Variants in ARHGAP24 observed in about 807,000 individuals in gnomAD.
ARHGAP24 encodes Rho GTPase activating protein 24, also known as rho GTPase-activating protein 24.
A neutral mutation model predicts 76.4 loss-of-function variants in ARHGAP24; 50 were observed. The ratio of observed to expected loss-of-function variants is 0.65; its 90% CI spans 0.52 to 0.83. The LOEUF (loss-of-function observed/expected upper bound fraction) is 0.83. Ranked by LOEUF, ARHGAP24 falls within the 40% of genes least tolerant of loss-of-function variation. The probability of loss-of-function intolerance (pLI) is 0.00; values close to 1 mark genes in which losing one functional copy is unlikely to be tolerated. For synonymous variants in ARHGAP24, 345 were observed against 323.3 expected (o/e 1.07, Z -0.72); for missense variants, 930 against 914.2 (o/e 1.02, Z -0.22).
chr4:85,876,483 A>G (rs1232199397), intron 3 of ARHGAP24, among the ~76,000 whole-genome samples: 1 of 152,102 alleles, frequency 6.6e-6, no homozygotes, highest in Non-Finnish European at 1.5e-5. Flanking sequence ...CTCAAATACA[A>G]CTGTAAGATC....
intron 2 of ARHGAP24, among the ~76,000 whole-genome samples, chr4:85,618,308 A>G (rs1160526942): frequency 1.3e-5 from 2 of 152,128 alleles, no homozygotes; most frequent in African/African-American, 4.8e-5. Flanking sequence ...GGCAATTTAC[A>G]TTAGTTCTCT....
At chr4:85,968,945 A>G (rs1314797086) in intron 5 of ARHGAP24, among the ~76,000 whole-genome samples, 2 of 152,154 alleles carry the variant, frequency 1.3e-5, no homozygotes, top group Admixed American at 6.6e-5. Context: ...AGCTGTGTGC[A>G]TATATACTAT....
chr4:85,512,612 G>A lies in ARHGAP24; in HGVS notation c.-21+37053G>A, dbSNP rs180982243. On this transcript the variant is annotated intron_variant, in intron 1 of 9. Transcript: ENST00000395184. ...TTTGGGATTGTTTGGAAATTTAGGGGCTCCCTAGAATAACTCAGAGCTGTG... is the reference window on the plus strand; with the variant it reads ...TTTGGGATTGTTTGGAAATTTAGGGACTCCCTAGAATAACTCAGAGCTGTG... 1.4e-4 allele frequency among the ~76,000 whole-genome samples: 22 copies of A among 152,230 alleles called. No individual in the cohort carries two copies. In the East Asian group the frequency reaches 4.3e-3, roughly 29 times the overall value.
intron 3 of ARHGAP24, among the ~76,000 whole-genome samples, chr4:85,898,925 G>A (rs1322818082): frequency 6.6e-6 from 1 of 152,022 alleles, no homozygotes; most frequent in African/African-American, 2.4e-5. Flanking sequence ...TGTATGTTTA[G>A]TAGAGATGGA....
chr4:85,542,886 T>C (rs1725758350), intron 1 of ARHGAP24, among the ~76,000 whole-genome samples: 2 of 152,172 alleles, frequency 1.3e-5, no homozygotes, highest in Non-Finnish European at 2.9e-5. Context: ...ATCTGTGAAA[T>C]AGGGATGATA....
intron 3 of ARHGAP24, among the ~76,000 whole-genome samples, chr4:85,829,762 C>T (rs115969396): frequency 5.6e-4 from 85 of 152,258 alleles, no homozygotes; most frequent in African/African-American, 2.0e-3. Context: ...AGTATTCATC[C>T]CTCTGTGAGG....
At chr4:85,890,991 T>A (rs1052231268) in intron 3 of ARHGAP24, among the ~76,000 whole-genome samples, 44 of 152,106 alleles carry the variant, frequency 2.9e-4, no homozygotes, top group Non-Finnish European at 5.6e-4. Flanking sequence ...GAGATTGCGA[T>A]GGATGATATT....
intron 3 of ARHGAP24, among the ~76,000 whole-genome samples, chr4:85,822,319 C>T (rs988255411): frequency 6.6e-6 from 1 of 151,882 alleles, no homozygotes; most frequent in Admixed American, 6.6e-5. Context: ...AAGCCAAGTC[C>T]AAATATTCTG....
chr4:85,531,057 C>T (rs191695615), intron 1 of ARHGAP24, among the ~76,000 whole-genome samples: 1 of 151,906 alleles, frequency 6.6e-6, no homozygotes, highest in African/African-American at 2.4e-5. Flanking sequence ...TGCATGAAAT[C>T]GTTTTTTCCT....
intron 2 of ARHGAP24, among the ~76,000 whole-genome samples, chr4:85,687,778 C>A (rs1359308388): frequency 6.6e-6 from 1 of 151,622 alleles, no homozygotes; most frequent in East Asian, 1.9e-4. Flanking sequence ...GGGTATATGC[C>A]CAGTAATGGA....
At chr4:85,698,034 A>G (rs1209478699) in intron 2 of ARHGAP24, among the ~76,000 whole-genome samples, 1 of 152,182 alleles carries the variant, frequency 6.6e-6, no homozygotes, top group Admixed American at 6.5e-5. Flanking sequence ...AGAAGTGTGT[A>G]TTTGAGGGGA....
chr4:85,592,257 A>G (rs367690609), intron 2 of ARHGAP24, among the ~76,000 whole-genome samples: 21 of 152,324 alleles, frequency 1.4e-4, no homozygotes, highest in South Asian at 2.1e-4. Flanking sequence ...CTGATGATCA[A>G]TGATGTTGAG....
chr4:85,622,755 C>T (rs1326731831), intron 2 of ARHGAP24, among the ~76,000 whole-genome samples: 5 of 152,146 alleles, frequency 3.3e-5, no homozygotes, highest in African/African-American at 1.2e-4. Flanking sequence ...CTCTCCAGCA[C>T]CTATTGTTTC....
At chr4:85,866,336 A>C (rs528008347) in intron 3 of ARHGAP24, among the ~76,000 whole-genome samples, 2 of 152,148 alleles carry the variant, frequency 1.3e-5, no homozygotes, top group African/African-American at 4.8e-5. Flanking sequence ...GTGTCTGGAG[A>C]CTTCTGACTT....
At chr4:85,765,479 G>A (rs898442429) in intron 3 of ARHGAP24, among the ~76,000 whole-genome samples, 2 of 152,002 alleles carry the variant, frequency 1.3e-5, no homozygotes, top group African/African-American at 4.8e-5. Context: ...TTTTGGGGGT[G>A]ATATGGAAAA....
intron 2 of ARHGAP24, among the ~76,000 whole-genome samples, chr4:85,631,729 A>G (rs928544624): frequency 6.6e-6 from 1 of 152,036 alleles, no homozygotes; most frequent in Non-Finnish European, 1.5e-5. Context: ...TGCTTGTTCA[A>G]ACAAATGTAT....
intron 2 of ARHGAP24, among the ~76,000 whole-genome samples, chr4:85,646,779 G>A (rs763934824): frequency 2.0e-5 from 3 of 152,046 alleles, no homozygotes; most frequent in Non-Finnish European, 4.4e-5. Context: ...CTGTTCAGAG[G>A]CTAGTTGGGA....
At chr4:85,603,775 T>C (rs1354093336) in intron 2 of ARHGAP24, among the ~76,000 whole-genome samples, 1 of 152,248 alleles carries the variant, frequency 6.6e-6, no homozygotes, top group Non-Finnish European at 1.5e-5. Flanking sequence ...GAGATTGCAC[T>C]AATGGTTCAT....
At chr4:85,776,365 AACT>A (rs764166882) in intron 3 of ARHGAP24, among the ~76,000 whole-genome samples, 7 of 152,174 alleles carry the variant, frequency 4.6e-5, no homozygotes, top group Non-Finnish European at 7.4e-5. Context: ...TTCCCCACTA[AACT>A]ACACTAGTAT....
Sources: allele counts gnomAD v4.1 joint callset (sites outside exome capture counted in the v4.1 genomes callset), GRCh38; gene constraint gnomAD v4.1.1; transcripts MANE v1.5; gene names NCBI Gene and HGNC (gene_info 2026-07-23, HGNC 2026-07-21).